The following LYST variants were observed in gnomAD, a reference collection of about 807,000 sequenced individuals.
LYST encodes the protein lysosomal-trafficking regulator.
LYST carries 192 observed loss-of-function variants against 413.6 expected under a neutral mutation model. The ratio of observed to expected loss-of-function variants is 0.46; its 90% CI spans 0.41 to 0.52. LYST has a LOEUF of 0.52. Ranked by LOEUF, LYST falls within the 20% of genes least tolerant of loss-of-function variation. The probability of loss-of-function intolerance (pLI) is 0.00; values close to 1 mark genes in which losing one functional copy is unlikely to be tolerated. For synonymous variants in LYST, 1,525 were observed against 1,567.3 expected (o/e 0.97, Z 0.64); for missense variants, 3,815 against 4,499.9 (o/e 0.85, Z 4.35).
intron 1 of LYST, among the ~76,000 whole-genome samples, chr1:235,855,352 T>C (rs1014612418): frequency 2.6e-5 from 4 of 152,156 alleles, no homozygotes; most frequent in South Asian, 4.1e-4. Context: ...TTCCCCCAGG[T>C]AAGGCTCTGA....
chr1:235,676,712 T>C (rs1659406984), intron 50 of LYST, among the ~76,000 whole-genome samples: 1 of 152,186 alleles, frequency 6.6e-6, no homozygotes, highest in Non-Finnish European at 1.5e-5. Flanking sequence ...TTTGTTAAAA[T>C]TTTGTTCTTT....
intron 10 of LYST, among the ~76,000 whole-genome samples, chr1:235,800,070 C>T (rs1672039829): frequency 6.7e-6 from 1 of 149,640 alleles, no homozygotes; most frequent in South Asian, 2.1e-4. Flanking sequence ...GATCCTCCCA[C>T]CTCAGCCTCC....
intron 1 of LYST, among the ~76,000 whole-genome samples, chr1:235,863,129 A>G (rs1035841885): frequency 6.6e-6 from 1 of 152,286 alleles, no homozygotes; most frequent in African/African-American, 2.4e-5. Flanking sequence ...ACGGTGGCTC[A>G]CGCCTGTAAT....
intron 3 of LYST, among the ~76,000 whole-genome samples, chr1:235,814,599 G>A (rs1186913662): frequency 6.6e-6 from 1 of 152,166 alleles, no homozygotes; most frequent in East Asian, 1.9e-4. Context: ...TTCACTGTGT[G>A]ACATGATGGC....
intron 52 of LYST, 30 bp downstream of exon 52, chr1:235,663,954 C>T (rs147480311): frequency 2.0e-6 from 3 of 1,511,096 alleles, no homozygotes; most frequent in African/African-American, 2.7e-5. Flanking sequence ...AAATTGTATT[C>T]TGAAGCATAA....
chr1:235,687,897 C>G (rs1660341857), intron 47 of LYST, among the ~76,000 whole-genome samples: 1 of 152,230 alleles, frequency 6.6e-6, no homozygotes, highest in Non-Finnish European at 1.5e-5. Context: ...CTTTTTCTTA[C>G]AGTTTCAAGC....
rs199855658 is a variant in LYST at position 235,800,912 on chromosome 1, T to C, written c.3898A>G (p.Ile1300Val). The change falls in exon 9 of 53, where the codon ATT (isoleucine) becomes GTT (valine). Residue 1300 changes from isoleucine (I) to valine (V), a missense_variant. Transcript: ENST00000389793. The part of the protein sequence containing the change: ...AHVFESFLKI[I>V]RQKEKNVFLL... ...AAAACATTCTTTTCTTTCTGCCTAA[T>C]AATTTTCAAAAAACTCTCAAATACA... 3.7e-4 allele frequency: 594 copies of C among 1,613,646 alleles called. No individual in the cohort carries two copies. Among genetic ancestry groups the C allele is most frequent in the Non-Finnish European group, 4.7e-4 (551 of 1,179,808 alleles).
intron 47 of LYST, among the ~76,000 whole-genome samples, chr1:235,688,324 G>A (rs563471968): frequency 4.6e-5 from 7 of 151,982 alleles, no homozygotes; most frequent in African/African-American, 1.7e-4. Flanking sequence ...TCCTAAATAC[G>A]CAAAAAACAA....
chr1:235,805,714 T>C, intron 6 of LYST, 29 bp downstream of exon 6: 1 of 1,451,084 alleles, frequency 6.9e-7, no homozygotes, highest in Non-Finnish European at 9.7e-7. Context: ...ATATATTACA[T>C]AAGAGTTGGA....
At chr1:235,814,976 T>C (rs1196212524) in intron 3 of LYST, among the ~76,000 whole-genome samples, 1 of 152,134 alleles carries the variant, frequency 6.6e-6, no homozygotes, top group Non-Finnish European at 1.5e-5. Flanking sequence ...ATACACTGTT[T>C]CTGCAATTCT....
At chr1:235,800,276 A>G (rs747025603) in intron 10 of LYST, 44 bp downstream of exon 10, 33 of 1,263,816 alleles carry the variant, frequency 2.6e-5, no homozygotes, top group Admixed American at 3.4e-5. Context: ...AACTTTTCAC[A>G]TAAAATAATT....
rs1182396422 is a variant in LYST at position 235,744,122 on chromosome 1, G to C, written c.8008C>G (p.Pro2670Ala). 3 of 1,599,898 alleles carry C rather than the reference G, an allele frequency of 1.9e-6. No homozygotes were observed. In the South Asian group the frequency reaches 3.3e-5, roughly 18 times the overall value. ...NSDIIDILRT[P>A]ENVTQSKTSV... Reference sequence around the variant, plus strand: ...GTCTTGCTTTGAGTTACATTTTCTGGAGTTCTCAAAATGTCAATAATGTCT... The same window carrying C: ...GTCTTGCTTTGAGTTACATTTTCTGCAGTTCTCAAAATGTCAATAATGTCT... The change falls in exon 30 of 53, where the codon CCA becomes GCA. Residue 2670 changes from proline (P) to alanine (A), a missense_variant. This residue lies in a region of LYST where 771 missense variants were observed against 837.1 expected (regional missense o/e 0.92). Coordinates refer to ENST00000389793, the MANE Select transcript of LYST (RefSeq NM_000081.4).
chr1:235,839,617 A>ACCG (rs1553316927), intron 1 of LYST: 4 of 146,108 alleles, frequency 2.7e-5, no homozygotes, highest in African/African-American at 8.0e-5. Flanking sequence ...AACACGGAGA[A>ACCG]CCCCCCCCAC....
At chr1:235,761,336 G>T (rs1667567515) in intron 22 of LYST, among the ~76,000 whole-genome samples, 1 of 152,142 alleles carries the variant, frequency 6.6e-6, no homozygotes. Context: ...TAAGAGCAAT[G>T]TCCCAGTATG....
intron 16 of LYST, among the ~76,000 whole-genome samples, chr1:235,778,305 T>C (rs1352681831): frequency 6.6e-6 from 1 of 151,454 alleles, no homozygotes; most frequent in Non-Finnish European, 1.5e-5. Flanking sequence ...CTTAGGGAAA[T>C]CATATAGATT....
intron 43 of LYST, among the ~76,000 whole-genome samples, chr1:235,710,630 C>T (rs1186131866): frequency 1.3e-5 from 2 of 152,194 alleles, no homozygotes; most frequent in South Asian, 2.1e-4. Flanking sequence ...TCCTGTCTTG[C>T]ATGCCCTTCC....
chr1:235,758,769 G>A (rs976090484), intron 23 of LYST, among the ~76,000 whole-genome samples: 7 of 152,066 alleles, frequency 4.6e-5, no homozygotes, highest in Non-Finnish European at 7.4e-5. Flanking sequence ...TTAGATTTTG[G>A]TTAAATATGG....
chr1:235,847,408 C>G (rs1678005761), intron 1 of LYST, among the ~76,000 whole-genome samples: 1 of 152,154 alleles, frequency 6.6e-6, no homozygotes, highest in Admixed American at 6.5e-5. Flanking sequence ...CCTGGAAACA[C>G]ATCAAAACAG....
intron 39 of LYST, 67 bp from the exon 40 acceptor site, chr1:235,720,972 G>C (rs1663309500): frequency 6.7e-7 from 1 of 1,494,834 alleles, no homozygotes; most frequent in South Asian, 1.1e-5. Context: ...TTTCTCCAAA[G>C]AACCCATGAC....
Sources: gnomAD v4.1 joint callset for allele counts (sites outside exome capture counted in the v4.1 genomes callset) on GRCh38, gnomAD v4.1.1 for gene constraint, gnomAD v4.1.1 regional missense constraint, MANE v1.5 for transcripts, NCBI Gene and HGNC (gene_info 2026-07-23, HGNC 2026-07-21) for gene names.